PATJ: variants seen among roughly 807,000 people sequenced by gnomAD.
The protein encoded by PATJ is PATJ crumbs cell polarity complex component.
Under a neutral mutation model 224.9 loss-of-function variants are expected in PATJ, and 190 were observed. The ratio of observed to expected loss-of-function variants is 0.84; its 90% CI spans 0.75 to 0.95. The LOEUF (loss-of-function observed/expected upper bound fraction) is 0.95. Ranked by LOEUF, PATJ falls within the 40% of genes least tolerant of loss-of-function variation. PATJ has a pLI of 0.00. For missense variants in PATJ, 2,121 were observed against 2,270.3 expected, an observed-to-expected ratio of 0.93 and a Z score of 1.34; for synonymous variants, 769 against 820.3, an observed-to-expected ratio of 0.94 and a Z score of 1.07.
chr1:62,060,758 C>G (rs1655286909), intron 31 of PATJ, among the ~76,000 whole-genome samples: 1 of 152,188 alleles, frequency 6.6e-6, no homozygotes, highest in South Asian at 2.1e-4. Context: ...CTTACAGCAG[C>G]CTCGATCTCC....
chr1:61,778,121 C>T (rs1426876574), intron 7 of PATJ, among the ~76,000 whole-genome samples: 1 of 152,114 alleles, frequency 6.6e-6, no homozygotes, highest in East Asian at 1.9e-4. Context: ...CTCAAGTGAT[C>T]CTCCCGCCTT....
intron 41 of PATJ, among the ~76,000 whole-genome samples, chr1:62,144,769 A>ATATATATATATGTATAT (rs1180544696): frequency 1.7e-5 from 1 of 58,718 alleles, no homozygotes; most frequent in African/African-American, 6.6e-5. Context: ...TTATTTGCAA[A>ATATATATATATGTATAT]AAAAAAAAAT....
At chr1:62,063,922 G>A (rs1007722210) in intron 31 of PATJ, among the ~76,000 whole-genome samples, 2 of 152,098 alleles carry the variant, frequency 1.3e-5, no homozygotes, top group African/African-American at 2.4e-5. Context: ...GGGTTTTTTA[G>A]TTACAGAATC....
intron 15 of PATJ, among the ~76,000 whole-genome samples, chr1:61,824,545 C>A (rs555024468): frequency 4.8e-4 from 73 of 151,592 alleles, no homozygotes; most frequent in Non-Finnish European, 9.6e-4. Flanking sequence ...CCCACCTCAA[C>A]CTCCCGAGTA....
At chr1:61,855,520 C>A (rs1663511140) in intron 17 of PATJ, among the ~76,000 whole-genome samples, 1 of 152,082 alleles carries the variant, frequency 6.6e-6, no homozygotes, top group African/African-American at 2.4e-5. Flanking sequence ...TCCACCTCAG[C>A]ACCCCCTGCT....
chr1:62,073,003 G>T (rs926271938), intron 31 of PATJ: 10 of 982,812 alleles, frequency 1.0e-5, no homozygotes, highest in Admixed American at 1.2e-4. Context: ...CTAATTGGTT[G>T]TGTCTTTTAC....
intron 21 of PATJ, among the ~76,000 whole-genome samples, chr1:61,879,466 TG>T (rs1255281894): frequency 2.6e-5 from 4 of 152,204 alleles, no homozygotes; most frequent in Non-Finnish European, 5.9e-5. Flanking sequence ...TTTGAAGCTG[TG>T]CTGTTTGGAC....
intron 28 of PATJ, among the ~76,000 whole-genome samples, chr1:62,007,092 C>T (rs543010711): frequency 3.3e-5 from 5 of 152,296 alleles, no homozygotes; most frequent in Admixed American, 3.3e-4. Flanking sequence ...CCATCCTTGA[C>T]TGAGGCATTA....
chr1:61,757,430 G>A lies in PATJ; in HGVS notation c.-35-5428G>A, dbSNP rs150521246. 5.9e-3 allele frequency among the ~76,000 whole-genome samples: 897 copies of A among 152,162 alleles called. 9 individuals carry two copies. The highest frequency in any genetic ancestry group is 0.01 in the Admixed American group (153 of 15,270). On this transcript the variant is annotated intron_variant, in intron 1 of 43. Coordinates refer to ENST00000642238, the MANE Select transcript of PATJ (RefSeq NM_001350145.3). ...GACAGGGTCTCATGCTGTCACCCAG[G>A]CTGGAGTGCAGTGGTGCTATCTCGG...
chr1:61,839,750 A>G (rs1660772698), intron 17 of PATJ, among the ~76,000 whole-genome samples: 1 of 152,138 alleles, frequency 6.6e-6, no homozygotes, highest in Non-Finnish European at 1.5e-5. Context: ...GATTTAGAAG[A>G]TAAAATTTAT....
At chr1:61,905,012 A>G (rs1671671358) in intron 24 of PATJ, among the ~76,000 whole-genome samples, 1 of 152,216 alleles carries the variant, frequency 6.6e-6, no homozygotes, top group Non-Finnish European at 1.5e-5. Flanking sequence ...ATTGAGTCCA[A>G]GAGTTCAAGA....
chr1:61,918,466 C>T (rs2149250486), intron 26 of PATJ, among the ~76,000 whole-genome samples: 1 of 151,866 alleles, frequency 6.6e-6, no homozygotes, highest in Admixed American at 6.5e-5. Flanking sequence ...CGCCACCATG[C>T]CTGGCTAAAT....
At chr1:62,143,737 A>G (rs1449157493) in intron 41 of PATJ, among the ~76,000 whole-genome samples, 4 of 152,152 alleles carry the variant, frequency 2.6e-5, no homozygotes, top group African/African-American at 9.7e-5. Flanking sequence ...GGCGTGAGCC[A>G]CCACGCTGGC....
chr1:61,815,395 G>A (rs1288464985), intron 14 of PATJ, among the ~76,000 whole-genome samples: 2 of 152,244 alleles, frequency 1.3e-5, no homozygotes, highest in Non-Finnish European at 2.9e-5. Flanking sequence ...GGTAACACCA[G>A]TGGGAGGTTT....
At chr1:61,830,271 A>G (rs570056544) in intron 16 of PATJ, among the ~76,000 whole-genome samples, 2 of 152,328 alleles carry the variant, frequency 1.3e-5, no homozygotes, top group Admixed American at 6.5e-5. Context: ...CATAGCCACA[A>G]AAAGAACAAA....
At position 62,140,486 on chromosome 1, in the gene PATJ, C is replaced by T. The variant is rs1048865852; in HGVS notation, c.5272-7798C>T. On this transcript the variant is annotated intron_variant, in intron 41 of 43. Coordinates refer to ENST00000642238, the MANE Select transcript of PATJ (RefSeq NM_001350145.3). Reference sequence around the variant, plus strand: ...TGGCCAACATGGTGAAACCCCGTCTCTACTAAAAATACAAAAATTAGCTGT... The same window carrying T: ...TGGCCAACATGGTGAAACCCCGTCTTTACTAAAAATACAAAAATTAGCTGT... Among the ~76,000 whole-genome samples, 8 of 151,998 alleles carry T rather than the reference C, an allele frequency of 5.3e-5. No individual in the cohort carries two copies. The South Asian group carries it at 6.2e-4, about 12-fold the overall frequency.
chr1:62,161,464 G>A lies in PATJ; in HGVS notation c.*410G>A, dbSNP rs528207354. 3.3e-4 allele frequency: 50 copies of A among 152,040 alleles called. 1 individual carries two copies. In the East Asian group the frequency reaches 8.0e-3, roughly 24 times the overall value. 9.4% of individuals were successfully genotyped at this position (152,040 alleles called of 1,614,324 possible). A position where few individuals can be genotyped will look rare whatever the true frequency, so the allele number is the denominator to read the frequency against. ...AGCGATTCTCCTGCCTCAGCCTCCC[G>A]AGTAGCTGGGATTACAGGCATGCAT... On this transcript the variant is annotated 3_prime_UTR_variant, in exon 44 of 44. Transcript: ENST00000642238.
At chr1:62,019,106 G>A (rs2148391968) in intron 29 of PATJ, among the ~76,000 whole-genome samples, 1 of 152,202 alleles carries the variant, frequency 6.6e-6, no homozygotes, top group South Asian at 2.1e-4. Flanking sequence ...TTAGCCAGGT[G>A]TGATGGCGCA....
At chr1:61,940,034 A>T (rs1464494883) in intron 27 of PATJ, among the ~76,000 whole-genome samples, 1 of 152,090 alleles carries the variant, frequency 6.6e-6, no homozygotes, top group Non-Finnish European at 1.5e-5. Flanking sequence ...GTCATTGTCC[A>T]TGTAAATATA....
Sources: allele counts gnomAD v4.1 joint callset (sites outside exome capture counted in the v4.1 genomes callset), GRCh38; gene constraint gnomAD v4.1.1; transcripts MANE v1.5; gene names NCBI Gene and HGNC (gene_info 2026-07-23, HGNC 2026-07-21).